Variants in FBXW8 observed in about 807,000 individuals in gnomAD.
The protein encoded by FBXW8 is F-box/WD repeat-containing protein 8.
A neutral mutation model predicts 65.3 loss-of-function variants in FBXW8; 57 were observed. That is an observed-to-expected ratio of 0.87 (90% confidence interval 0.71 to 1.09). The LOEUF (loss-of-function observed/expected upper bound fraction) is 1.09. Among genes scored for constraint, FBXW8 ranks in the 50% least tolerant of loss-of-function variants. The probability of loss-of-function intolerance (pLI) is 0.00; values close to 1 mark genes in which losing one functional copy is unlikely to be tolerated. For synonymous variants in FBXW8, 308 were observed against 330.2 expected (o/e 0.93, Z 0.73); for missense variants, 777 against 814.8 (o/e 0.95, Z 0.57).
chr12:116,959,845 T>C lies in FBXW8; in HGVS notation c.678-4852T>C, dbSNP rs181527326. 6.6e-5 allele frequency among the ~76,000 whole-genome samples: 10 copies of C among 152,328 alleles called. No homozygotes were observed. In the East Asian group the frequency reaches 1.7e-3, roughly 26 times the overall value. On this transcript the variant is annotated intron_variant, in intron 4 of 10. Transcript: ENST00000652555. ...TAGAGGTAAACTCAACCTTGCCAAG[T>C]GTAGAAAAGACTGGGAAAGCACACA...
rs76337626 is a variant in FBXW8, at chr12:116,970,235, G to A, written c.835+5381G>A. 8.2e-3 allele frequency among the ~76,000 whole-genome samples: 1,250 copies of A among 152,294 alleles called. 56 individuals are homozygous for A. The South Asian group carries it at 0.1, about 13-fold the overall frequency. ...AGAAATGAGATTACACACTTCTTAGGTGCAAAGAAGTTTTTATTTGTCCCC... is the reference window on the plus strand; with the variant it reads ...AGAAATGAGATTACACACTTCTTAGATGCAAAGAAGTTTTTATTTGTCCCC... On this transcript the variant is annotated intron_variant, in intron 5 of 10. Coordinates refer to ENST00000652555, the MANE Select transcript of FBXW8 (RefSeq NM_153348.3).
At chr12:116,940,763 G>A (rs1484922914) in intron 2 of FBXW8, among the ~76,000 whole-genome samples, 1 of 152,146 alleles carries the variant, frequency 6.6e-6, no homozygotes, top group Non-Finnish European at 1.5e-5. Flanking sequence ...GAGTAGCCAT[G>A]TTGATGGCTA....
chr12:116,915,232 A>G (rs1348501636), intron 1 of FBXW8, among the ~76,000 whole-genome samples: 3 of 152,222 alleles, frequency 2.0e-5, no homozygotes, highest in Non-Finnish European at 4.4e-5. Context: ...GGTGTTGCAC[A>G]TTAGGTCTTT....
At chr12:116,994,511 G>C (rs1252282303) in intron 7 of FBXW8, among the ~76,000 whole-genome samples, 2 of 152,306 alleles carry the variant, frequency 1.3e-5, no homozygotes, top group South Asian at 4.1e-4. Context: ...TCTCTATCTG[G>C]AGCCAAACCA....
intron 5 of FBXW8, among the ~76,000 whole-genome samples, chr12:116,969,011 A>G (rs1021440984): frequency 5.9e-5 from 9 of 152,070 alleles, no homozygotes; most frequent in Admixed American, 5.9e-4. Context: ...TGCTGCCTTT[A>G]TAAGCTTTTA....
chr12:116,924,870 G>A (rs1881197981), intron 1 of FBXW8, among the ~76,000 whole-genome samples: 1 of 152,162 alleles, frequency 6.6e-6, no homozygotes. Context: ...ATAACAAACT[G>A]AAGTTGATGA....
intron 1 of FBXW8, among the ~76,000 whole-genome samples, chr12:116,917,665 C>T (rs1220825767): frequency 6.6e-6 from 1 of 152,148 alleles, no homozygotes. Context: ...TGGTATAGGC[C>T]AGAACCTCTG....
At chr12:116,939,426 T>G (rs536631210) in intron 2 of FBXW8, among the ~76,000 whole-genome samples, 1 of 152,340 alleles carries the variant, frequency 6.6e-6, no homozygotes, top group East Asian at 1.9e-4. Context: ...AGCGAGGAAT[T>G]CTGCTTCGTT....
chr12:116,914,143 C>T (rs890899395), intron 1 of FBXW8, among the ~76,000 whole-genome samples: 76 of 152,210 alleles, frequency 5.0e-4, no homozygotes, highest in African/African-American at 1.8e-3. Context: ...TGTGGTGGTG[C>T]ACCCCTTTAG....
intron 1 of FBXW8, among the ~76,000 whole-genome samples, chr12:116,924,427 A>G (rs1881165186): frequency 6.6e-6 from 1 of 152,212 alleles, no homozygotes; most frequent in Non-Finnish European, 1.5e-5. Flanking sequence ...TGTGTTGTAA[A>G]CATTCAAAAT....
intron 1 of FBXW8, among the ~76,000 whole-genome samples, chr12:116,925,745 A>G: frequency 6.6e-6 from 1 of 152,234 alleles, no homozygotes; most frequent in East Asian, 1.9e-4. Flanking sequence ...ATGATCAAGA[A>G]CCATCATAAT....
rs1238338568 is a variant in FBXW8 at position 116,936,965 on chromosome 12, TG to T, written c.424-8394del. Among the ~76,000 whole-genome samples the T allele has an allele frequency of 2.6e-5, 4 of 151,938 alleles. No individual in the cohort carries two copies. The highest frequency in any genetic ancestry group is 9.7e-5 in the African/African-American group (4 of 41,342). On this transcript the variant is annotated intron_variant, in intron 2 of 10. Coordinates refer to ENST00000652555, the MANE Select transcript of FBXW8 (RefSeq NM_153348.3). The surrounding 1 kb of genome is among the most constrained non-coding windows in gnomAD (Gnocchi z 4.6). The stretch of plus-strand genomic sequence containing the variant: ...GGCTGCTGTGTGGAGAATCGGTTGT[TG>T]GGGGACAAGGACAGCAGCAAGGAGA...
chr12:116,964,983 A>G (rs892471492), intron 5 of FBXW8, 129 bp downstream of exon 5: 3 of 889,058 alleles, frequency 3.4e-6, no homozygotes, highest in Non-Finnish European at 4.9e-6. Flanking sequence ...GTTCACACAC[A>G]TACACTCACT....
At chr12:116,968,920 T>C (rs1288573491) in intron 5 of FBXW8, among the ~76,000 whole-genome samples, 3 of 152,204 alleles carry the variant, frequency 2.0e-5, no homozygotes, top group African/African-American at 7.2e-5. Flanking sequence ...CGTCTTGGAT[T>C]AGCATGCAGT....
intron 4 of FBXW8, among the ~76,000 whole-genome samples, chr12:116,957,621 C>G (rs1349819525): frequency 6.6e-6 from 1 of 152,150 alleles, no homozygotes; most frequent in East Asian, 1.9e-4. Context: ...AAATGTTGCC[C>G]ATATATACTT....
intron 1 of FBXW8, among the ~76,000 whole-genome samples, chr12:116,927,279 T>C (rs1361284314): frequency 1.3e-5 from 2 of 152,154 alleles, no homozygotes; most frequent in East Asian, 3.8e-4. Flanking sequence ...CGTTACCTCA[T>C]CTCTAATTGC....
intron 4 of FBXW8, among the ~76,000 whole-genome samples, chr12:116,962,054 C>T (rs1293502922): frequency 1.3e-5 from 2 of 152,104 alleles, no homozygotes; most frequent in East Asian, 1.9e-4. Flanking sequence ...TGAAGGGGCC[C>T]CTCTCCTTCT....
At chr12:116,918,094 A>T (rs1244709605) in intron 1 of FBXW8, among the ~76,000 whole-genome samples, 1 of 152,038 alleles carries the variant, frequency 6.6e-6, no homozygotes, top group East Asian at 1.9e-4. Context: ...TTTTTAGGTG[A>T]TGAGTTGGGA....
Position 116,928,016 on chromosome 12 carries a change from C to A in FBXW8, c.319-7C>A. 6.6e-7 allele frequency: 1 copy of A among 1,518,958 alleles called. No individual in the cohort carries two copies. The highest frequency in any genetic ancestry group is 8.9e-7 in the Non-Finnish European group (1 of 1,120,024). The allele number at this position is 1,518,958 out of a possible 1,614,324, so 94.1% of individuals were successfully genotyped here. On this transcript the variant is annotated splice_region_variant and splice_polypyrimidine_tract_variant and intron_variant, in intron 1 of 10. Transcript: ENST00000652555. Reference sequence around the variant, plus strand: ...TATAAACTTCTTTCTTTTTTTTTTCCCCTCAGAATGAAATGAATGATGTGC... The same window carrying A: ...TATAAACTTCTTTCTTTTTTTTTTCACCTCAGAATGAAATGAATGATGTGC...
Sources: gnomAD v4.1 joint callset for allele counts (sites outside exome capture counted in the v4.1 genomes callset) on GRCh38, gnomAD v4.1.1 for gene constraint, Gnocchi (gnomAD v3.1) non-coding constraint, MANE v1.5 for transcripts, NCBI Gene and HGNC (gene_info 2026-07-23, HGNC 2026-07-21) for gene names.